Variants in SOX6 observed in about 807,000 individuals in gnomAD.
SOX6 encodes the protein transcription factor SOX-6.
Under a neutral mutation model 97.8 loss-of-function variants are expected in SOX6, and 11 were observed. The observed-to-expected ratio is 0.11, with a 90% CI of 0.07 to 0.19. The LOEUF (loss-of-function observed/expected upper bound fraction) is 0.19, where lower values mean the gene tolerates loss of function less well. Among genes scored for constraint, SOX6 ranks in the 10% least tolerant of loss-of-function variants. The pLI is 1.00. For synonymous variants in SOX6, 360 were observed against 371.4 expected (o/e 0.97, Z 0.35); for missense variants, 810 against 1,039.5 (o/e 0.78, Z 3.04).
rs939380394 is a variant in SOX6, at chr11:15,971,860, T to A, written c.*949A>T. 9 of 152,554 alleles carry A rather than the reference T, an allele frequency of 5.9e-5. No homozygotes were observed. The highest frequency in any genetic ancestry group is 8.8e-5 in the Non-Finnish European group (6 of 68,020). 9.5% of individuals were successfully genotyped at this position (152,554 alleles called of 1,614,324 possible). A position where few individuals can be genotyped will look rare whatever the true frequency, so the allele number is the denominator to read the frequency against. On this transcript the variant is annotated 3_prime_UTR_variant, in exon 16 of 16. Coordinates refer to ENST00000683767, the MANE Select transcript of SOX6 (RefSeq NM_001367873.1). ...CAAGTGGACCCTTGACATTCTGGAA[T>A]GAATAAATTATTTAAGATAAAATGT...
intron 4 of SOX6, among the ~76,000 whole-genome samples, chr11:16,540,120 C>T (rs1440234994): frequency 6.6e-6 from 1 of 152,154 alleles, no homozygotes; most frequent in Admixed American, 6.5e-5. Context: ...AGCTTATCCA[C>T]CACGATCAGG....
In SOX6 at chr11:16,111,919, T is replaced by G. The variant is rs1849240418; in HGVS notation, c.782A>C (p.Gln261Pro). 1.2e-6 allele frequency: 2 copies of G among 1,612,186 alleles called. No homozygotes were observed. Among genetic ancestry groups the G allele is most frequent in the Non-Finnish European group, 1.7e-6 (2 of 1,179,874 alleles). ...INLLQQQIQV[Q>P]GHMPPLMIPI... Reference sequence around the variant, plus strand: ...GATCATGAGCGGAGGCATGTGACCCTGAACCTGCTAAACAGAAGAGAGCCT... The same window carrying G: ...GATCATGAGCGGAGGCATGTGACCCGGAACCTGCTAAACAGAAGAGAGCCT... The change falls in exon 7 of 16, where the codon CAG becomes CCG. Residue 261 changes from glutamine to proline, a missense_variant. By Grantham distance (76) the Gln-to-Pro change is moderately conservative. Transcript: ENST00000683767.
chr11:16,377,435 G>A (rs1214480941), intron 1 of SOX6, among the ~76,000 whole-genome samples: 1 of 152,012 alleles, frequency 6.6e-6, no homozygotes, highest in East Asian at 1.9e-4. Context: ...GTTCATGCTA[G>A]GTACCACTGA....
chr11:16,340,977 C>T (rs1315124459), intron 2 of SOX6, 35 bp downstream of exon 2: 2 of 1,612,354 alleles, frequency 1.2e-6, no homozygotes, highest in Admixed American at 1.7e-5. Context: ...CTAAGGAATG[C>T]ATTTAGTGGC....
chr11:16,721,776 CT>C (rs1848268983), intron 2 of SOX6, among the ~76,000 whole-genome samples: 1 of 151,414 alleles, frequency 6.6e-6, no homozygotes, highest in African/African-American at 2.4e-5. Context: ...AACCTGTTTT[CT>C]TCATTAATTA....
chr11:16,685,832 G>A (rs555339159), intron 3 of SOX6, among the ~76,000 whole-genome samples: 13 of 152,386 alleles, frequency 8.5e-5, no homozygotes, highest in Admixed American at 3.9e-4. Flanking sequence ...GTAGGCTTCT[G>A]CCTGGGCACC....
chr11:16,481,323 T>A (rs1268771171), upstream of SOX6, among the ~76,000 whole-genome samples: 3 of 152,134 alleles, frequency 2.0e-5, no homozygotes, highest in Admixed American at 6.6e-5. Context: ...GTATTTTTTT[T>A]AAATGCAGTT....
chr11:16,425,986 G>C (rs1021827867), intron 1 of SOX6, among the ~76,000 whole-genome samples: 1 of 151,792 alleles, frequency 6.6e-6, no homozygotes, highest in Non-Finnish European at 1.5e-5. Flanking sequence ...GCTGGGCGCA[G>C]TGGCTCTCAC....
chr11:16,144,071 C>G (rs1191683226), intron 6 of SOX6, among the ~76,000 whole-genome samples: 2 of 152,234 alleles, frequency 1.3e-5, no homozygotes, highest in Admixed American at 6.5e-5. Context: ...CCACACCACA[C>G]TTATTCCACA....
intron 7 of SOX6, among the ~76,000 whole-genome samples, chr11:16,108,231 A>G (rs12365963): frequency 0.069 from 10,433 of 152,182 alleles, 399 homozygotes; most frequent in Non-Finnish European, 0.096. Flanking sequence ...TCATATCATA[A>G]CTAGTGAGTA....
intron 6 of SOX6, among the ~76,000 whole-genome samples, chr11:16,117,509 T>G (rs1199269342): frequency 2.6e-5 from 4 of 152,180 alleles, no homozygotes; most frequent in Admixed American, 1.3e-4. Context: ...AGCAACAACT[T>G]TTCCCTCTCA....
chr11:16,368,590 G>T (rs1352075510), intron 1 of SOX6, among the ~76,000 whole-genome samples: 1 of 152,058 alleles, frequency 6.6e-6, no homozygotes, highest in African/African-American at 2.4e-5. Context: ...CTTATCTTAT[G>T]CTTATTTTTA....
At chr11:16,222,754 A>G (rs761573150) in intron 4 of SOX6, among the ~76,000 whole-genome samples, 154 of 152,066 alleles carry the variant, frequency 1.0e-3, no homozygotes, top group Non-Finnish European at 7.1e-4. Context: ...CTACTGTAGC[A>G]TTTATTGATT....
rs565056635 is a variant in SOX6, at chr11:15,996,819, T to C, written c.1733-7589A>G. 9.2e-5 allele frequency among the ~76,000 whole-genome samples: 14 copies of C among 152,298 alleles called. No individual in the cohort carries two copies. In the East Asian group the frequency reaches 2.7e-3, roughly 29 times the overall value. ...TAAGACCTAAGCCCAACAGATTTAA[T>C]AATTATATTAAACAGAAATAAATCA... On this transcript the variant is annotated intron_variant, in intron 13 of 15. Transcript: ENST00000683767.
At chr11:16,008,205 G>A (rs1387820384) in intron 13 of SOX6, among the ~76,000 whole-genome samples, 2 of 152,054 alleles carry the variant, frequency 1.3e-5, no homozygotes, top group African/African-American at 2.4e-5. Flanking sequence ...GAAAAAGTCT[G>A]TACATGTTCA....
At chr11:16,217,213 A>C (rs917984069) in intron 4 of SOX6, among the ~76,000 whole-genome samples, 2 of 152,106 alleles carry the variant, frequency 1.3e-5, no homozygotes, top group Non-Finnish European at 2.9e-5. Flanking sequence ...GACTAGAAAA[A>C]TTTCTAGCCC....
At chr11:16,437,649 G>A (rs1859406782) in intron 1 of SOX6, among the ~76,000 whole-genome samples, 1 of 152,028 alleles carries the variant, frequency 6.6e-6, no homozygotes, top group African/African-American at 2.4e-5. Flanking sequence ...ACAAAAACAG[G>A]GGCAACTAAC....
At chr11:16,180,755 C>T (rs761669704) in intron 6 of SOX6, among the ~76,000 whole-genome samples, 49 of 151,630 alleles carry the variant, frequency 3.2e-4, no homozygotes, top group Non-Finnish European at 5.2e-4. Context: ...GTTTACTTGG[C>T]TTTAGAAGAA....
At chr11:16,075,942 T>C (rs926760141) in intron 9 of SOX6, among the ~76,000 whole-genome samples, 3 of 151,998 alleles carry the variant, frequency 2.0e-5, no homozygotes, top group Non-Finnish European at 4.4e-5. Context: ...GAAGAACCTT[T>C]CCGCATGATT....
Sources: gnomAD v4.1 joint callset for allele counts (sites outside exome capture counted in the v4.1 genomes callset) on GRCh38, gnomAD v4.1.1 for gene constraint, MANE v1.5 for transcripts, NCBI Gene and HGNC (gene_info 2026-07-23, HGNC 2026-07-21) for gene names.